The following TRPM7 variants were observed in gnomAD, a reference collection of about 807,000 sequenced individuals.
The protein encoded by TRPM7 is transient receptor potential cation channel subfamily M member 7.
TRPM7 carries 134 observed loss-of-function variants against 229.7 expected under a neutral mutation model. That is an observed-to-expected ratio of 0.58 (90% CI 0.51 to 0.67). The LOEUF (loss-of-function observed/expected upper bound fraction) is 0.67. Among genes scored for constraint, TRPM7 ranks in the 30% least tolerant of loss-of-function variants. The pLI, the probability that TRPM7 is intolerant of heterozygous loss-of-function variation, is 0.00. For synonymous variants in TRPM7, 699 were observed against 715.2 expected (o/e 0.98, Z 0.36); for missense variants, 1,901 against 2,210.0 (o/e 0.86, Z 2.80).
Position 50,575,915 on chromosome 15 carries a change from G to A in TRPM7, c.4623C>T (p.Leu1541=). The A allele has an allele frequency of 6.2e-7, 1 of 1,613,202 alleles. No individual in the cohort carries two copies. Among genetic ancestry groups the A allele is most frequent in the Non-Finnish European group, 8.5e-7 (1 of 1,179,602 alleles). The change falls in exon 32 of 39, where the codon CTC becomes CTT. Residue 1541 remains leucine (L), a synonymous_variant. Transcript: ENST00000646667. The part of the protein sequence containing the change: ...MPSEEGTLNG[L]TSPFKPAMDT... ...CCATAGCTGGCTTAAATGGAGAAGTGAGACCTAGAATGGCAAATAAACAAA... is the reference window on the plus strand; with the variant it reads ...CCATAGCTGGCTTAAATGGAGAAGTAAGACCTAGAATGGCAAATAAACAAA...
chr15:50,643,533 G>A lies in TRPM7; in HGVS notation c.342C>T (p.Asp114=). 1 of 1,614,018 alleles carries A rather than the reference G, an allele frequency of 6.2e-7. No individual in the cohort carries two copies. The highest frequency in any genetic ancestry group is 8.5e-7 in the Non-Finnish European group (1 of 1,179,956). ...YRAKYVRLSY[D]TKPEVILQLL... ...GTTGCAGAATGACTTCAGGTTTGGT[G>A]TCATATGATAGCCTCACATACTAGA... Residue 114 remains aspartate, a synonymous_variant, in exon 5 of 39, where the codon GAC becomes GAT. Transcript: ENST00000646667.
At chr15:50,674,889 T>C (rs1407735475) in intron 1 of TRPM7, among the ~76,000 whole-genome samples, 1 of 152,196 alleles carries the variant, frequency 6.6e-6, no homozygotes, top group South Asian at 2.1e-4. Flanking sequence ...TTGGGTTTTT[T>C]CCAAGAGCTG....
At chr15:50,653,473 G>A (rs1019349420) in intron 3 of TRPM7, among the ~76,000 whole-genome samples, 7 of 152,100 alleles carry the variant, frequency 4.6e-5, no homozygotes, top group Admixed American at 3.3e-4. Context: ...GTGTGGTCTC[G>A]GAGATTCCTG....
chr15:50,571,953 C>T (rs928692556), intron 36 of TRPM7, among the ~76,000 whole-genome samples: 3 of 152,186 alleles, frequency 2.0e-5, no homozygotes, highest in African/African-American at 7.2e-5. Context: ...TATCAAATGG[C>T]ACTGCGTGCT....
chr15:50,657,694 C>T, intron 3 of TRPM7, 87 bp downstream of exon 3: 1 of 1,197,056 alleles, frequency 8.4e-7, no homozygotes, highest in Non-Finnish European at 1.2e-6. Flanking sequence ...ATGTGAGTTT[C>T]ATGCCACTGT....
chr15:50,612,683 A>G lies in TRPM7; in HGVS notation c.1917T>C (p.Arg639=). 6.2e-7 allele frequency: 1 copy of G among 1,614,150 alleles called. No homozygotes were observed. ...ACLMKRQVMA[R]FLWQHGEESM... ...ATTCTTCACCATGTTGCCATAAAAA[A>G]CGGGCCATGACCTGCCTCTTCATAA... is the stretch of plus-strand genomic sequence containing the variant. The change falls in exon 16 of 39, where the codon CGT becomes CGC. Residue 639 remains arginine, a synonymous_variant. Transcript: ENST00000646667.
intron 1 of TRPM7, among the ~76,000 whole-genome samples, chr15:50,674,778 G>C (rs566525221): frequency 7.9e-5 from 12 of 152,242 alleles, no homozygotes; most frequent in Admixed American, 7.2e-4. Flanking sequence ...TTCTAAAGGA[G>C]AGCTGTGCCA....
At chr15:50,658,054 G>C (rs757982343) in intron 2 of TRPM7, among the ~76,000 whole-genome samples, 6 of 149,570 alleles carry the variant, frequency 4.0e-5, no homozygotes, top group Non-Finnish European at 5.9e-5. Context: ...GCCCAGGCTG[G>C]AGTCCAATGG....
At chr15:50,647,086 A>G (rs1044353687) in intron 4 of TRPM7, among the ~76,000 whole-genome samples, 5 of 152,226 alleles carry the variant, frequency 3.3e-5, no homozygotes, top group African/African-American at 1.2e-4. Context: ...ATGACTGCAT[A>G]TAACAAGTTA....
chr15:50,684,102 G>A (rs1423006449), intron 1 of TRPM7, among the ~76,000 whole-genome samples: 1 of 151,516 alleles, frequency 6.6e-6, no homozygotes, highest in Non-Finnish European at 1.5e-5. Flanking sequence ...TCCGGGATCA[G>A]CCTGTCGCCG....
In TRPM7 at chr15:50,561,787, G is replaced by C; in HGVS notation, c.5489C>G (p.Thr1830Arg). ...CTGAGGAAATATAATTTTATCAGGC[G>C]TATAATCATTCCTCTTCAGATCTAC... ...KLPDLKRNDY[T>R]PDKIIFPQDE... The change falls in exon 39 of 39, where the codon ACG becomes AGG. Residue 1830 changes from threonine to arginine, a missense_variant. Physicochemically the swap from Thr to Arg is moderately conservative, Grantham distance 71 (BLOSUM62 -1). Around this residue, in one of 8 missense-constraint regions of TRPM7, gnomAD observed 257 missense variants for 352.0 expected, o/e 0.73. Transcript: ENST00000646667. 1.9e-6 allele frequency: 3 copies of C among 1,608,232 alleles called. No individual in the cohort carries two copies. The highest frequency in any genetic ancestry group is 2.5e-6 in the Non-Finnish European group (3 of 1,178,406).
chr15:50,617,772 A>C (rs1167273668), intron 13 of TRPM7, among the ~76,000 whole-genome samples: 2 of 149,590 alleles, frequency 1.3e-5, no homozygotes, highest in Admixed American at 6.7e-5. Flanking sequence ...AGTGCCCCCC[A>C]CACCCCCACC....
At position 50,596,256 on chromosome 15, in the gene TRPM7, T is replaced by C; in HGVS notation, c.3289A>G (p.Asn1097Asp). Residue 1097 changes from asparagine (N) to aspartate (D), a missense_variant and splice_region_variant, in exon 23 of 39, where the codon AAC (asparagine) becomes GAC (aspartate). By Grantham distance (23) the Asn-to-Asp change is conservative. Transcript: ENST00000646667. ...IMVNLLIAFF[N>D]NVYLQVKAIS... The stretch of plus-strand genomic sequence containing the variant: ...CAAACAATTGAACAAAATTCTTACT[T>C]GAAAAATGCAATAAGAAGATTAACC... The C allele has an allele frequency of 6.7e-7, 1 of 1,498,400 alleles. No individual in the cohort carries two copies. The allele number at this position is 1,498,400 out of a possible 1,614,324, so 92.8% of individuals were successfully genotyped here.
chr15:50,593,787 T>TA (rs772927753), intron 24 of TRPM7, 38 bp from the exon 25 acceptor site: 148 of 1,573,000 alleles, frequency 9.4e-5, no homozygotes, highest in Non-Finnish European at 1.2e-4. Context: ...AAGGAAGAGC[T>TA]ATCAAGGTTT....
intron 3 of TRPM7, among the ~76,000 whole-genome samples, chr15:50,651,416 C>T (rs1003200167): frequency 3.3e-5 from 5 of 152,026 alleles, no homozygotes; most frequent in African/African-American, 7.2e-5. Flanking sequence ...GAAGCCGAGG[C>T]GGGTGGATCA....
At position 50,622,885 on chromosome 15, in the gene TRPM7, CA is replaced by C. The variant is rs2060451720; in HGVS notation, c.1440+1280del. Among the ~76,000 whole-genome samples the C allele has an allele frequency of 4.7e-5, 7 of 149,484 alleles. No homozygotes were observed. The South Asian group carries it at 1.5e-3, about 31-fold the overall frequency. ...TGGGCAACAGAGTGAGATTCTTTCTCAAAAAAAGAAAAAAAAGGGAGAAAAT... is the reference window on the plus strand; with the variant it reads ...TGGGCAACAGAGTGAGATTCTTTCTCAAAAAAGAAAAAAAAGGGAGAAAAT... On this transcript the variant is annotated intron_variant, in intron 12 of 38. Transcript: ENST00000646667.
chr15:50,640,727 G>C (rs1203994864), intron 5 of TRPM7, among the ~76,000 whole-genome samples: 1 of 152,046 alleles, frequency 6.6e-6, no homozygotes. Context: ...TTAAATATGT[G>C]ACGATTAATT....
chr15:50,606,790 C>G (rs982856284), intron 20 of TRPM7, among the ~76,000 whole-genome samples: 1 of 152,160 alleles, frequency 6.6e-6, no homozygotes, highest in Admixed American at 6.5e-5. Flanking sequence ...TGAGCCACCG[C>G]GCCTGGCCTA....
rs1555436860 is a variant in TRPM7 at position 50,682,173 on chromosome 15, C to CAAAAAAAAAACAAAA, written c.3+4357_3+4358insTTTTGTTTTTTTTTT. 4.7e-5 allele frequency among the ~76,000 whole-genome samples: 3 copies of CAAAAAAAAAACAAAA among 63,680 alleles called. No homozygotes were observed. In the East Asian group the frequency reaches 1.7e-3, roughly 37 times the overall value. The allele number at this position is 63,680 out of a possible 152,430, so 41.8% of individuals were successfully genotyped here. ...TGGGCAAAAGAGCAAAACTCAGTCT[C>CAAAAAAAAAACAAAA]AAAAAAAAAAAAAAAAAAGGACTGT... On this transcript the variant is annotated intron_variant, in intron 1 of 38. Transcript: ENST00000646667.
Sources: allele counts gnomAD v4.1 joint callset (sites outside exome capture counted in the v4.1 genomes callset), GRCh38; gene constraint gnomAD v4.1.1; regional missense constraint gnomAD v4.1.1; transcripts MANE v1.5; gene names NCBI Gene and HGNC (gene_info 2026-07-23, HGNC 2026-07-21).